The following CAMTA1 variants were observed in gnomAD, a reference collection of about 807,000 sequenced individuals.
CAMTA1 encodes calmodulin binding transcription activator 1.
CAMTA1 carries 27 observed loss-of-function variants against 170.9 expected under a neutral mutation model. The ratio of observed to expected loss-of-function variants is 0.16; its 90% confidence interval spans 0.12 to 0.22. The LOEUF is 0.22. Among genes scored for constraint, CAMTA1 ranks in the 10% least tolerant of loss-of-function variants. The pLI is 1.00. For missense variants in CAMTA1, 1,619 were observed against 2,217.2 expected (o/e 0.73, Z 5.42); for synonymous variants, 833 against 891.5 (o/e 0.93, Z 1.17).
At chr1:7,026,132 A>AG (rs1442845447) in intron 3 of CAMTA1, among the ~76,000 whole-genome samples, 1 of 152,042 alleles carries the variant, frequency 6.6e-6, no homozygotes, top group East Asian at 1.9e-4. Context: ...AAAAAAAAAA[A>AG]AGAAACAAAA....
chr1:7,343,370 C>T (rs764635360), intron 5 of CAMTA1, among the ~76,000 whole-genome samples: 2 of 152,130 alleles, frequency 1.3e-5, no homozygotes, highest in East Asian at 1.9e-4. Context: ...TCGGGAGATC[C>T]CTACCAGGGG....
At chr1:7,656,926 T>C (rs1458065431) in intron 7 of CAMTA1, among the ~76,000 whole-genome samples, 4 of 152,212 alleles carry the variant, frequency 2.6e-5, no homozygotes, top group African/African-American at 9.6e-5. Context: ...TAGGTCAGCA[T>C]TGGAGTGGGC....
chr1:6,904,552 C>CTT (rs1196529275), intron 3 of CAMTA1, among the ~76,000 whole-genome samples: 1 of 140,548 alleles, frequency 7.1e-6, no homozygotes, highest in Admixed American at 7.1e-5. Context: ...TTCTTTCTTT[C>CTT]TTTTTTTTTT....
intron 1 of CAMTA1, among the ~76,000 whole-genome samples, chr1:6,801,166 C>G (rs1643766192): frequency 6.6e-6 from 1 of 152,204 alleles, no homozygotes; most frequent in African/African-American, 2.4e-5. Flanking sequence ...AGATTTCTTC[C>G]AGGCATTCTG....
chr1:7,621,548 G>C (rs752602676), intron 6 of CAMTA1, among the ~76,000 whole-genome samples: 7 of 152,200 alleles, frequency 4.6e-5, no homozygotes, highest in Non-Finnish European at 1.0e-4. Flanking sequence ...AGTGCAGCTC[G>C]GTAGAGGTAC....
At chr1:6,897,607 G>A (rs560153985) in intron 3 of CAMTA1, among the ~76,000 whole-genome samples, 1 of 152,302 alleles carries the variant, frequency 6.6e-6, no homozygotes, top group Admixed American at 6.5e-5. Context: ...CTCCTGGTGA[G>A]TTTTTGAAAG....
intron 6 of CAMTA1, among the ~76,000 whole-genome samples, chr1:7,577,195 C>A (rs1353102658): frequency 6.6e-6 from 1 of 152,204 alleles, no homozygotes; most frequent in African/African-American, 2.4e-5. Flanking sequence ...CTGGAGGAGA[C>A]GTTCCTCAGA....
chr1:6,892,850 G>A (rs932144969), intron 3 of CAMTA1, among the ~76,000 whole-genome samples: 1 of 151,854 alleles, frequency 6.6e-6, no homozygotes, highest in Non-Finnish European at 1.5e-5. Flanking sequence ...CCACTTTGGT[G>A]GGTGTTTTGT....
Position 7,113,393 on chromosome 1 carries a change from C to T in CAMTA1, c.302+22022C>T, listed in dbSNP as rs1479075178. The stretch of plus-strand genomic sequence containing the variant: ...CGGCAGAGACACTCAGGTGGAGAAG[C>T]CAGATGCGGCCCCCTTGGAGAGGGG... On this transcript the variant is annotated intron_variant, in intron 4 of 22. Coordinates refer to ENST00000303635, the MANE Select transcript of CAMTA1 (RefSeq NM_015215.4). This position sits in a 1 kb window ranked among gnomAD's most constrained non-coding sequence, Gnocchi z 4.5. 2.6e-5 allele frequency among the ~76,000 whole-genome samples: 4 copies of T among 152,202 alleles called. No individual in the cohort carries two copies. Among genetic ancestry groups the T allele is most frequent in the African/African-American group, 7.2e-5 (3 of 41,454 alleles).
chr1:7,314,433 G>A (rs1173409475), intron 5 of CAMTA1, among the ~76,000 whole-genome samples: 2 of 152,224 alleles, frequency 1.3e-5, no homozygotes, highest in Non-Finnish European at 2.9e-5. Context: ...GTATCCTTGT[G>A]GGTGGAGACA....
intron 5 of CAMTA1, among the ~76,000 whole-genome samples, chr1:7,396,967 G>A (rs1165294444): frequency 6.6e-6 from 1 of 152,118 alleles, no homozygotes; most frequent in Non-Finnish European, 1.5e-5. Context: ...TTTTCTGTGT[G>A]AGTGTGTTCT....
chr1:7,399,245 G>A (rs892882158), intron 5 of CAMTA1, among the ~76,000 whole-genome samples: 1 of 152,106 alleles, frequency 6.6e-6, no homozygotes, highest in Non-Finnish European at 1.5e-5. Flanking sequence ...GTTTAAAATA[G>A]CCTGGCACCT....
intron 4 of CAMTA1, among the ~76,000 whole-genome samples, chr1:7,150,126 C>T (rs370643859): frequency 1.4e-4 from 22 of 152,194 alleles, no homozygotes; most frequent in East Asian, 1.2e-3. Flanking sequence ...AAAGGCTCTG[C>T]GTGCTGCCCA....
intron 6 of CAMTA1, among the ~76,000 whole-genome samples, chr1:7,548,834 T>C: frequency 1.1e-5 from 1 of 94,652 alleles, no homozygotes. Flanking sequence ...GGGGTGGAGG[T>C]GCCCGTGGAG....
At chr1:7,573,287 A>C (rs2095146917) in intron 6 of CAMTA1, among the ~76,000 whole-genome samples, 1 of 152,120 alleles carries the variant, frequency 6.6e-6, no homozygotes, top group Non-Finnish European at 1.5e-5. Context: ...CAGATTGACA[A>C]ACCCTCTTGG....
At chr1:6,888,853 A>G (rs1308382993) in intron 3 of CAMTA1, among the ~76,000 whole-genome samples, 3 of 152,048 alleles carry the variant, frequency 2.0e-5, no homozygotes, top group African/African-American at 7.2e-5. Context: ...AAGAACAGAA[A>G]CAAAACCAAG....
At chr1:7,394,881 T>TC (rs1424509072) in intron 5 of CAMTA1, among the ~76,000 whole-genome samples, 1 of 83,216 alleles carries the variant, frequency 1.2e-5, no homozygotes, top group African/African-American at 3.4e-5. Context: ...TCTTTTTTTT[T>TC]CTTTTTTTTT....
rs540418522 is a variant in CAMTA1 at position 7,493,062 on chromosome 1, C to T, written c.510+25161C>T. Reference sequence around the variant, plus strand: ...AAACACAAACCTACATACACACGCGCGCACACACACAGACATACAAACGTG... The same window carrying T: ...AAACACAAACCTACATACACACGCGTGCACACACACAGACATACAAACGTG... On this transcript the variant is annotated intron_variant, in intron 6 of 22. Transcript: ENST00000303635. 8.2e-3 allele frequency among the ~76,000 whole-genome samples: 735 copies of T among 89,164 alleles called. 15 individuals carry two copies. Among genetic ancestry groups the T allele is most frequent in the African/African-American group, 0.039 (653 of 16,622 alleles). 58.5% of individuals were successfully genotyped at this position (89,164 alleles called of 152,430 possible).
rs1222948075 is a variant in CAMTA1, at chr1:7,768,204, A to G, written c.*1713A>G. 9.7e-6 allele frequency: 1 copy of G among 103,290 alleles called. No individual in the cohort carries two copies. Among genetic ancestry groups the G allele is most frequent in the African/African-American group, 3.6e-5 (1 of 27,894 alleles). 6.4% of individuals were successfully genotyped at this position (103,290 alleles called of 1,614,324 possible). On this transcript the variant is annotated 3_prime_UTR_variant, in exon 23 of 23. Transcript: ENST00000303635. ...TATCTCCTGCTGGAAATCAGAAAAT[A>G]TAATAAAATTGCACAAAAAAAAAAA...
Sources: allele counts gnomAD v4.1 joint callset (sites outside exome capture counted in the v4.1 genomes callset), GRCh38; gene constraint gnomAD v4.1.1; non-coding constraint Gnocchi (gnomAD v3.1); transcripts MANE v1.5; gene names NCBI Gene and HGNC (gene_info 2026-07-23, HGNC 2026-07-21).